The following ATXN7 variants were observed in gnomAD, a reference collection of about 807,000 sequenced individuals.
ATXN7 encodes the protein ataxin-7.
ATXN7 carries 12 observed loss-of-function variants against 70.5 expected under a neutral mutation model. The ratio of observed to expected loss-of-function variants is 0.17; its 90% confidence interval spans 0.11 to 0.28. The LOEUF is 0.28. ATXN7 is among the 10% of genes least tolerant of loss of function. ATXN7 has a pLI of 1.00. For synonymous variants in ATXN7, 498 were observed against 448.7 expected, an observed-to-expected ratio of 1.11 and a Z score of -1.39; for missense variants, 1,256 against 1,131.7, an observed-to-expected ratio of 1.11 and a Z score of -1.58.
chr3:63,933,128 A>G (rs537219622), intron 4 of ATXN7, among the ~76,000 whole-genome samples: 1 of 152,200 alleles, frequency 6.6e-6, no homozygotes, highest in Non-Finnish European at 1.5e-5. Flanking sequence ...GTGCCCTCCA[A>G]AAAGGCTCTA....
At chr3:63,869,509 T>C (rs1401060382) in intron 1 of ATXN7, among the ~76,000 whole-genome samples, 1 of 152,178 alleles carries the variant, frequency 6.6e-6, no homozygotes, top group East Asian at 1.9e-4. Context: ...CTGCAACTCC[T>C]GCCTCCCAGG....
intron 4 of ATXN7, 51 bp from the exon 5 acceptor site, chr3:63,952,328 T>C (rs372383621): frequency 4.8e-5 from 68 of 1,425,238 alleles, no homozygotes; most frequent in Non-Finnish European, 6.0e-5. Context: ...AAAATGGTTT[T>C]ATATCAGTCA....
chr3:63,911,083 C>T (rs1703999594), intron 2 of ATXN7, among the ~76,000 whole-genome samples: 1 of 151,980 alleles, frequency 6.6e-6, no homozygotes, highest in Non-Finnish European at 1.5e-5. Context: ...AGAGAAAGCA[C>T]TTGTGAGCAA....
intron 5 of ATXN7, among the ~76,000 whole-genome samples, chr3:63,957,201 G>A (rs1429669413): frequency 6.6e-6 from 1 of 152,216 alleles, no homozygotes; most frequent in East Asian, 1.9e-4. Flanking sequence ...AGACACAGGG[G>A]TGATATTACC....
At chr3:63,981,258 C>A (rs546473085) in intron 6 of ATXN7, among the ~76,000 whole-genome samples, 2 of 152,262 alleles carry the variant, frequency 1.3e-5, no homozygotes, top group South Asian at 2.1e-4. Context: ...GTTGCTAAGC[C>A]CCCAGCCCCT....
chr3:63,942,847 A>C (rs116216659), intron 4 of ATXN7, among the ~76,000 whole-genome samples: 1 of 152,194 alleles, frequency 6.6e-6, no homozygotes, highest in Non-Finnish European at 1.5e-5. Context: ...TATAATCTCT[A>C]TTTTACAAGT....
At position 63,960,467 on chromosome 3, in the gene ATXN7, G is replaced by T. The variant is rs2075109872; in HGVS notation, c.499+7984G>T. Among the ~76,000 whole-genome samples the T allele has an allele frequency of 2.6e-5, 4 of 152,208 alleles. No individual in the cohort carries two copies. The South Asian group carries it at 8.3e-4, about 32-fold the overall frequency. ...CACGGGGCAAATGTGGAACCAGGGAGACCAGTTAGTGAGCTGTTTTATACT... is the reference window on the plus strand; with the variant it reads ...CACGGGGCAAATGTGGAACCAGGGATACCAGTTAGTGAGCTGTTTTATACT... On this transcript the variant is annotated intron_variant, in intron 5 of 12. Transcript: ENST00000674280.
At chr3:63,915,168 C>A (rs1207801754) in intron 4 of ATXN7, among the ~76,000 whole-genome samples, 1 of 152,198 alleles carries the variant, frequency 6.6e-6, no homozygotes, top group Non-Finnish European at 1.5e-5. Context: ...ATCTCCTAAC[C>A]TCGTGACCCA....
In ATXN7 at chr3:63,863,906, C is replaced by T. The variant is rs1376000328; in HGVS notation, c.-363C>T. 4.0e-5 allele frequency: 42 copies of T among 1,060,790 alleles called. No homozygotes were observed. The highest frequency in any genetic ancestry group is 2.6e-4 in the African/African-American group (15 of 57,926). 65.7% of individuals were successfully genotyped at this position (1,060,790 alleles called of 1,614,324 possible). A position where few individuals can be genotyped will look rare whatever the true frequency, so the allele number is the denominator to read the frequency against. ...TAAACAGCCATGGAGGAGGAGGCGG[C>T]GGCGCCCGCGGCCGCCTGCTCCGAC... is the stretch of plus-strand genomic sequence containing the variant. On this transcript the variant is annotated 5_prime_UTR_variant, in exon 1 of 13. Coordinates refer to ENST00000674280, the MANE Select transcript of ATXN7 (RefSeq NM_001377405.1).
chr3:63,871,648 C>T (rs1486824241), intron 1 of ATXN7, among the ~76,000 whole-genome samples: 3 of 151,858 alleles, frequency 2.0e-5, no homozygotes, highest in African/African-American at 7.3e-5. Context: ...AAGAATGATG[C>T]AGTCAATATT....
chr3:63,899,099 G>T (rs187107948), intron 2 of ATXN7, among the ~76,000 whole-genome samples: 1 of 149,944 alleles, frequency 6.7e-6, no homozygotes, highest in Non-Finnish European at 1.5e-5. Flanking sequence ...GTCTCACTCT[G>T]TTACCCAGGC....
At chr3:63,900,994 G>T (rs866782184) in intron 2 of ATXN7, 2 of 152,168 alleles carry the variant, frequency 1.3e-5, no homozygotes, top group Non-Finnish European at 2.9e-5. Context: ...TTGTAGGCCC[G>T]ATATCTGTTC....
chr3:63,896,267 T>G (rs1177685186), intron 1 of ATXN7, among the ~76,000 whole-genome samples: 1 of 126,264 alleles, frequency 7.9e-6, no homozygotes, highest in Non-Finnish European at 1.9e-5. Flanking sequence ...CACTGCTAAC[T>G]GGCCATCATT....
At chr3:63,935,313 C>T (rs1489316621) in intron 4 of ATXN7, among the ~76,000 whole-genome samples, 1 of 152,132 alleles carries the variant, frequency 6.6e-6, no homozygotes, top group Non-Finnish European at 1.5e-5. Context: ...TGGTATTGCA[C>T]AGTGGCACCT....
chr3:63,871,099 A>C (rs372483116), intron 1 of ATXN7, among the ~76,000 whole-genome samples: 2 of 152,118 alleles, frequency 1.3e-5, no homozygotes, highest in South Asian at 2.1e-4. Context: ...CTGCTTTTCA[A>C]CATTCTCTAC....
At chr3:63,954,282 T>C (rs921711266) in intron 5 of ATXN7, among the ~76,000 whole-genome samples, 2 of 152,226 alleles carry the variant, frequency 1.3e-5, no homozygotes, top group African/African-American at 4.8e-5. Flanking sequence ...GCACAGTTTG[T>C]GCACTGAACA....
At chr3:63,998,119 C>T in intron 12 of ATXN7, 1 of 983,728 alleles carries the variant, frequency 1.0e-6, no homozygotes. Flanking sequence ...ATGTCCATCT[C>T]ACATCTGTAT....
At chr3:63,883,526 C>G (rs1200703294) in intron 1 of ATXN7, among the ~76,000 whole-genome samples, 1 of 150,084 alleles carries the variant, frequency 6.7e-6, no homozygotes, top group African/African-American at 2.4e-5. Flanking sequence ...TCAGCTGATT[C>G]ATTTATTCCC....
chr3:63,934,027 G>T (rs1455314748), intron 4 of ATXN7, among the ~76,000 whole-genome samples: 1 of 152,062 alleles, frequency 6.6e-6, no homozygotes, highest in Non-Finnish European at 1.5e-5. Flanking sequence ...AATCACAAAT[G>T]TTGTACTTAA....
Sources: allele counts gnomAD v4.1 joint callset (sites outside exome capture counted in the v4.1 genomes callset), GRCh38; gene constraint gnomAD v4.1.1; transcripts MANE v1.5; gene names NCBI Gene and HGNC (gene_info 2026-07-23, HGNC 2026-07-21).